The following TGIF1 variants were observed in gnomAD, a reference collection of about 807,000 sequenced individuals.
TGIF1 encodes the protein homeobox protein TGIF1.
TGIF1 carries 4 observed loss-of-function variants against 19.3 expected under a neutral mutation model. That is an observed-to-expected ratio of 0.21 (90% confidence interval 0.10 to 0.47). The LOEUF is 0.47. Ranked by LOEUF, TGIF1 falls within the 20% of genes least tolerant of loss-of-function variation. TGIF1 has a pLI of 0.98. For missense variants in TGIF1, 275 were observed against 341.4 expected, an observed-to-expected ratio of 0.81 and a Z score of 1.53; for synonymous variants, 122 against 129.3, an observed-to-expected ratio of 0.94 and a Z score of 0.38.
chr18:3,448,290 G>C (rs996472966), upstream of TGIF1: 10 of 985,228 alleles, frequency 1.0e-5, no homozygotes, highest in African/African-American at 1.7e-4. Context: ...CTCCGCTCCC[G>C]GCTCCCCAGC....
At chr18:3,446,760 CTGAGATG>C (rs530560801), upstream of TGIF1, among the ~76,000 whole-genome samples, 556 of 152,290 alleles carry the variant, frequency 3.7e-3, 5 homozygotes, top group Non-Finnish European at 2.8e-3. Flanking sequence ...ACCCTCTGAC[CTGAGATG>C]TGACTGGATG....
In TGIF1 at chr18:3,459,184, C is replaced by G. The variant is rs1258464222; in HGVS notation, c.*1244C>G. Reference sequence around the variant, plus strand: ...TTAGTATGAGCTTGCTTTGTTGTTACGGTCATGTTCTTTCCAGCCCTGCCC... The same window carrying G: ...TTAGTATGAGCTTGCTTTGTTGTTAGGGTCATGTTCTTTCCAGCCCTGCCC... On this transcript the variant is annotated 3_prime_UTR_variant, in exon 3 of 3. Transcript: ENST00000343820. 1 of 152,190 alleles carries G rather than the reference C, an allele frequency of 6.6e-6. No individual in the cohort carries two copies. The highest frequency in any genetic ancestry group is 2.4e-5 in the African/African-American group (1 of 41,440). 9.4% of individuals were successfully genotyped at this position (152,190 alleles called of 1,614,324 possible).
At chr18:3,449,981 G>A, upstream of TGIF1, 2 of 988,300 alleles carry the variant, frequency 2.0e-6, no homozygotes, top group Non-Finnish European at 2.4e-6. Context: ...TCGTGTTTCT[G>A]GACCCGGCCA....
At chr18:3,440,442 A>C (rs1048077459) in intron 2 of TGIF1, among the ~76,000 whole-genome samples, 1 of 152,080 alleles carries the variant, frequency 6.6e-6, no homozygotes, top group Non-Finnish European at 1.5e-5. Context: ...TGGGTTGGTA[A>C]ATGGTTTGAC....
At chr18:3,449,991 A>G (rs1568045502), upstream of TGIF1, 1 of 987,570 alleles carries the variant, frequency 1.0e-6, no homozygotes, top group South Asian at 4.6e-5. Flanking sequence ...GGACCCGGCC[A>G]CCCCCCGCGT....
At position 3,458,917 on chromosome 18, in the gene TGIF1, GTT is replaced by G. The variant is rs1343112909; in HGVS notation, c.*980_*981del. The G allele has an allele frequency of 6.6e-6, 1 of 152,190 alleles. No homozygotes were observed. Among genetic ancestry groups the G allele is most frequent in the Non-Finnish European group, 1.5e-5 (1 of 68,026 alleles). 9.4% of individuals were successfully genotyped at this position (152,190 alleles called of 1,614,324 possible). ...TTACCTTTTAAAACATCTCAAAAGT[GTT>G]TTCTAAAATGATGAAATAAACGGTG... On this transcript the variant is annotated 3_prime_UTR_variant, in exon 3 of 3. Coordinates refer to ENST00000343820, the MANE Select transcript of TGIF1 (RefSeq NM_003244.4).
intron 1 of TGIF1, among the ~76,000 whole-genome samples, chr18:3,417,441 T>C (rs1490202321): frequency 1.3e-5 from 2 of 152,186 alleles, no homozygotes; most frequent in Non-Finnish European, 2.9e-5. Flanking sequence ...ATTACAGGCA[T>C]GAGCCACCGT....
At chr18:3,446,450 G>C (rs886496528), upstream of TGIF1, among the ~76,000 whole-genome samples, 2 of 152,144 alleles carry the variant, frequency 1.3e-5, no homozygotes, top group Admixed American at 1.3e-4. Flanking sequence ...TCCCAAAGTG[G>C]TGGGATTACA....
At chr18:3,435,261 C>T (rs996688237) in intron 2 of TGIF1, among the ~76,000 whole-genome samples, 2 of 150,128 alleles carry the variant, frequency 1.3e-5, no homozygotes, top group South Asian at 2.1e-4. Context: ...GGTGTGATCT[C>T]GGCTCACTGC....
rs1357942349 is a variant in TGIF1, at chr18:3,412,492, T to G, written c.-118+238T>G. On this transcript the variant is annotated intron_variant, in intron 1 of 3. Coordinates refer to the TGIF1 transcript ENST00000401449. ...TAAATCTAGCCTTTCCCCTGCTACC[T>G]GGGAGGTGAAGAGGAGCAGGTGCGC... Among the ~76,000 whole-genome samples, 3 of 152,300 alleles carry G rather than the reference T, an allele frequency of 2.0e-5. No homozygotes were observed. In the South Asian group the frequency reaches 6.2e-4, roughly 32 times the overall value.
At position 3,456,803 on chromosome 18, in the gene TGIF1, G is replaced by T; in HGVS notation, c.243+223G>T. 1.5e-6 allele frequency: 1 copy of T among 652,862 alleles called. No individual in the cohort carries two copies. Among genetic ancestry groups the T allele is most frequent in the Non-Finnish European group, 2.7e-6 (1 of 365,142 alleles). 40.4% of individuals were successfully genotyped at this position (652,862 alleles called of 1,614,324 possible). On this transcript the variant is annotated intron_variant, in intron 2 of 2. Coordinates refer to ENST00000343820, the MANE Select transcript of TGIF1 (RefSeq NM_003244.4). The surrounding 1 kb of genome is among the most constrained non-coding windows in gnomAD (Gnocchi z 4.2). ...ATAGCATTTCCTTTAATGCCTAAAA[G>T]AACCTTCCTTTATGCAACAGACATT...
upstream of TGIF1, chr18:3,448,540 G>T (rs2143280269): frequency 1.0e-6 from 1 of 988,552 alleles, no homozygotes; most frequent in South Asian, 4.6e-5. Flanking sequence ...GCCGTTTTAG[G>T]TGTGTGTTCT....
rs764252611 is a variant in TGIF1 at position 3,452,287 on chromosome 18, G to A, written c.16+1782G>A. 4 of 1,611,030 alleles carry A rather than the reference G, an allele frequency of 2.5e-6. No individual in the cohort carries two copies. In the East Asian group the frequency reaches 8.9e-5, roughly 36 times the overall value. On this transcript the variant is annotated intron_variant, in intron 1 of 2. Coordinates refer to ENST00000343820, the MANE Select transcript of TGIF1 (RefSeq NM_003244.4). ...TCCCCGGAGCTGGGGACCAAGGCTG[G>A]GCCCCGCCGGCCGCATCGGTGGGAA...
At chr18:3,426,077 A>G (rs2082463811) in intron 2 of TGIF1, among the ~76,000 whole-genome samples, 2 of 151,378 alleles carry the variant, frequency 1.3e-5, no homozygotes, top group Non-Finnish European at 2.9e-5. Context: ...GTATATGGCC[A>G]TGTATAAGTG....
upstream of TGIF1, chr18:3,447,618 C>A: frequency 2.7e-6 from 3 of 1,106,318 alleles, no homozygotes; most frequent in South Asian, 1.3e-5. Flanking sequence ...TCAGCGTTGG[C>A]TGGGGGGAGG....
chr18:3,447,562 C>A (rs1023238047), upstream of TGIF1: 10 of 754,088 alleles, frequency 1.3e-5, no homozygotes, highest in Non-Finnish European at 2.3e-5. Flanking sequence ...TAGGCACTTT[C>A]TTCCCAGAAT....
At chr18:3,448,074 G>GC (rs796656597), upstream of TGIF1, 2 of 953,462 alleles carry the variant, frequency 2.1e-6, no homozygotes, top group African/African-American at 5.4e-5. Context: ...TAAAGCGGGC[G>GC]GGGGGGGAGG....
upstream of TGIF1, among the ~76,000 whole-genome samples, chr18:3,447,338 T>TA (rs1172263419): frequency 1.7e-5 from 2 of 120,666 alleles, no homozygotes; most frequent in African/African-American, 3.4e-5. Flanking sequence ...TCTATATACT[T>TA]TAAAAAAAAA....
Position 3,456,511 on chromosome 18 carries a change from T to C in TGIF1, c.174T>C (p.Arg58=). 6.2e-7 allele frequency: 1 copy of C among 1,614,252 alleles called. No homozygotes were observed. Among genetic ancestry groups the C allele is most frequent in the African/African-American group, 1.3e-5 (1 of 75,072 alleles). Reference sequence around the variant, plus strand: ...TTCGGGATTGGCTGTATGAGCACCGTTACAATGCCTATCCTTCAGAGCAAG... The same window carrying C: ...TTCGGGATTGGCTGTATGAGCACCGCTACAATGCCTATCCTTCAGAGCAAG... ...QILRDWLYEH[R]YNAYPSEQEK... The change falls in exon 2 of 3, where the codon CGT becomes CGC. Residue 58 remains arginine, a synonymous_variant. Transcript: ENST00000343820. The surrounding 1 kb of genome is among the most constrained non-coding windows in gnomAD (Gnocchi z 4.2).
Sources: allele counts gnomAD v4.1 joint callset (sites outside exome capture counted in the v4.1 genomes callset), GRCh38; gene constraint gnomAD v4.1.1; non-coding constraint Gnocchi (gnomAD v3.1); transcripts MANE v1.5; gene names NCBI Gene and HGNC (gene_info 2026-07-23, HGNC 2026-07-21).